The following EFR3B variants were observed in gnomAD, a reference collection of about 807,000 sequenced individuals.
EFR3B encodes EFR3 homolog B.
A neutral mutation model predicts 104.7 loss-of-function variants in EFR3B; 64 were observed. That is an observed-to-expected ratio of 0.61 (90% confidence interval 0.50 to 0.75). The LOEUF (loss-of-function observed/expected upper bound fraction) is 0.75, where lower values mean the gene tolerates loss of function less well. Ranked by LOEUF, EFR3B falls within the 30% of genes least tolerant of loss-of-function variation. EFR3B has a pLI of 0.00. For missense variants in EFR3B, 750 were observed against 1,078.5 expected, an observed-to-expected ratio of 0.70 and a Z score of 4.27; for synonymous variants, 385 against 417.9, an observed-to-expected ratio of 0.92 and a Z score of 0.96.
At chr2:25,062,940 T>TC (rs1348755416) in intron 1 of EFR3B, among the ~76,000 whole-genome samples, 1 of 152,146 alleles carries the variant, frequency 6.6e-6, no homozygotes, top group East Asian at 1.9e-4. Flanking sequence ...CTTTTTTTTT[T>TC]TTGAGACAAG....
chr2:25,083,440 T>A (rs1170419621), intron 1 of EFR3B, among the ~76,000 whole-genome samples: 1 of 152,236 alleles, frequency 6.6e-6, no homozygotes, highest in Non-Finnish European at 1.5e-5. Context: ...AAAACATTAC[T>A]TAGTGTCTCG....
chr2:25,072,678 G>C (rs1415291821), intron 1 of EFR3B, among the ~76,000 whole-genome samples: 1 of 152,076 alleles, frequency 6.6e-6, no homozygotes, highest in Non-Finnish European at 1.5e-5. Context: ...CCAGACCCAT[G>C]GCTACCCTTC....
At chr2:25,103,983 T>C (rs554920045) in intron 4 of EFR3B, among the ~76,000 whole-genome samples, 196 bp downstream of exon 4, 3 of 151,334 alleles carry the variant, frequency 2.0e-5, no homozygotes, top group East Asian at 3.9e-4. Flanking sequence ...TAAACAAATA[T>C]ATAATTTATA....
At chr2:25,144,435 T>G (rs139894108) in intron 18 of EFR3B, among the ~76,000 whole-genome samples, 2,011 of 152,164 alleles carry the variant, frequency 0.013, 43 homozygotes, top group African/African-American at 0.043. Context: ...TCCCAGCTAC[T>G]CTGGAGGCTG....
intron 1 of EFR3B, among the ~76,000 whole-genome samples, chr2:25,076,032 A>G (rs2149176935): frequency 6.6e-6 from 1 of 152,262 alleles, no homozygotes; most frequent in South Asian, 2.1e-4. Flanking sequence ...AGCTGGGACT[A>G]CAGGCATGCG....
intron 1 of EFR3B, among the ~76,000 whole-genome samples, chr2:25,067,653 C>T (rs1668376635): frequency 6.6e-6 from 1 of 151,866 alleles, no homozygotes; most frequent in African/African-American, 2.4e-5. Flanking sequence ...AGGGTGGTCT[C>T]GATCTCCTGA....
chr2:25,139,319 C>T, intron 16 of EFR3B, 129 bp downstream of exon 16: 1 of 1,196,650 alleles, frequency 8.4e-7, no homozygotes, highest in Middle Eastern at 2.0e-4. Context: ...GTAAGAACCA[C>T]TAATGGTGAG....
At chr2:25,094,124 A>T (rs1429521182) in intron 3 of EFR3B, among the ~76,000 whole-genome samples, 1 of 151,936 alleles carries the variant, frequency 6.6e-6, no homozygotes, top group African/African-American at 2.4e-5. Context: ...CTCTACAAAA[A>T]ATAAACAAAA....
intron 19 of EFR3B, 116 bp from the exon 20 acceptor site, chr2:25,149,578 T>G: frequency 9.5e-7 from 1 of 1,057,418 alleles, no homozygotes; most frequent in South Asian, 1.4e-5. Flanking sequence ...AGGGACTTCC[T>G]GCCCACTGGG....
At chr2:25,135,695 A>G (rs957342079) in intron 13 of EFR3B, 56 bp downstream of exon 13, 13 of 1,529,618 alleles carry the variant, frequency 8.5e-6, no homozygotes, top group Non-Finnish European at 1.1e-5. Context: ...ACTCTCCATT[A>G]GGTCCTATCC....
intron 4 of EFR3B, among the ~76,000 whole-genome samples, chr2:25,105,070 T>G (rs1669527168): frequency 6.6e-6 from 1 of 152,222 alleles, no homozygotes; most frequent in Admixed American, 6.5e-5. Flanking sequence ...TTTACAGATC[T>G]TAAGTGAAGC....
intron 1 of EFR3B, among the ~76,000 whole-genome samples, chr2:25,078,783 C>G (rs1329897007): frequency 6.6e-6 from 1 of 152,146 alleles, no homozygotes; most frequent in Non-Finnish European, 1.5e-5. Context: ...TACGCTGTGC[C>G]TGTGGTCGGA....
intron 20 of EFR3B, among the ~76,000 whole-genome samples, chr2:25,151,314 G>A (rs1671000738): frequency 1.3e-5 from 2 of 151,968 alleles, no homozygotes; most frequent in Admixed American, 6.6e-5. Context: ...AGAGTGCAAT[G>A]GCGTGATCTT....
At chr2:25,063,029 T>A (rs1021096757) in intron 1 of EFR3B, among the ~76,000 whole-genome samples, 2 of 152,116 alleles carry the variant, frequency 1.3e-5, no homozygotes, top group African/African-American at 4.8e-5. Context: ...GTTCAAGCGA[T>A]TCTCCTGCCT....
intron 3 of EFR3B, among the ~76,000 whole-genome samples, chr2:25,097,011 G>A (rs1176342401): frequency 1.3e-5 from 2 of 152,172 alleles, no homozygotes; most frequent in African/African-American, 4.8e-5. Context: ...TTATACTCAA[G>A]CAAGTAAAAA....
chr2:25,143,199 G>A (rs149046651), intron 17 of EFR3B, among the ~76,000 whole-genome samples: 2,008 of 152,154 alleles, frequency 0.013, 44 homozygotes, highest in African/African-American at 0.043. Context: ...CTGGGTGACA[G>A]AGCGAGACTC....
At chr2:25,081,554 G>T in intron 1 of EFR3B, 1 of 951,624 alleles carries the variant, frequency 1.1e-6, no homozygotes, top group Non-Finnish European at 1.7e-6. Flanking sequence ...TATTGCTGCT[G>T]TACTTGGAGT....
rs1326682712 is a variant in EFR3B, at chr2:25,130,136, C to T, written c.770+27C>T. 1 of 1,551,502 alleles carries T rather than the reference C, an allele frequency of 6.4e-7. No homozygotes were observed. Among genetic ancestry groups the T allele is most frequent in the African/African-American group, 1.4e-5 (1 of 73,054 alleles). On this transcript the variant is annotated intron_variant, in intron 7 of 22. Transcript: ENST00000403714. This position sits in a 1 kb window ranked among gnomAD's most constrained non-coding sequence, Gnocchi z 4.6. ...TGAGTGCCCCCACCCACTGCCTTGG[C>T]CCCAGCCTTCAGCCTGGATGTGTTT...
At chr2:25,126,052 G>A (rs1386845957) in intron 5 of EFR3B, among the ~76,000 whole-genome samples, 2 of 152,234 alleles carry the variant, frequency 1.3e-5, no homozygotes, top group Admixed American at 1.3e-4. Context: ...ATTTTTTGGA[G>A]TCATAAAATT....
Sources: gnomAD v4.1 joint callset for allele counts (sites outside exome capture counted in the v4.1 genomes callset) on GRCh38, gnomAD v4.1.1 for gene constraint, Gnocchi (gnomAD v3.1) non-coding constraint, MANE v1.5 for transcripts, NCBI Gene and HGNC (gene_info 2026-07-23, HGNC 2026-07-21) for gene names.